The following CCDC18 variants were observed in gnomAD, a reference collection of about 807,000 sequenced individuals.
The protein encoded by CCDC18 is coiled-coil domain-containing protein 18.
CCDC18 carries 157 observed loss-of-function variants against 196.0 expected under a neutral mutation model. The ratio of observed to expected loss-of-function variants is 0.80; its 90% confidence interval spans 0.70 to 0.91. CCDC18 has a LOEUF of 0.91. CCDC18 is among the 40% of genes least tolerant of loss of function. CCDC18 has a pLI of 0.00. For synonymous variants in CCDC18, 482 were observed against 529.2 expected (o/e 0.91, Z 1.22); for missense variants, 1,465 against 1,611.6 (o/e 0.91, Z 1.56).
At chr1:93,269,502 A>G (rs1196233878) in intron 27 of CCDC18, among the ~76,000 whole-genome samples, 1 of 152,076 alleles carries the variant, frequency 6.6e-6, no homozygotes, top group Non-Finnish European at 1.5e-5. Flanking sequence ...ATGCGTGTTA[A>G]ACTTTTATTT....
At chr1:93,223,878 T>C (rs1336644945) in intron 16 of CCDC18, among the ~76,000 whole-genome samples, 3 of 148,490 alleles carry the variant, frequency 2.0e-5, no homozygotes, top group Non-Finnish European at 4.5e-5. Context: ...GTGTTTGTTT[T>C]TGTTTTGATT....
chr1:93,211,236 C>T (rs1655586457), intron 10 of CCDC18, among the ~76,000 whole-genome samples: 1 of 149,580 alleles, frequency 6.7e-6, no homozygotes, highest in Admixed American at 6.7e-5. Flanking sequence ...TGAGATAGTG[C>T]CACTGCACTC....
chr1:93,257,089 A>G (rs977721479), intron 25 of CCDC18, among the ~76,000 whole-genome samples: 3 of 151,976 alleles, frequency 2.0e-5, no homozygotes, highest in African/African-American at 7.2e-5. Flanking sequence ...AAAATTAGCC[A>G]GGCATGATGG....
chr1:93,248,009 C>CTTTTTTTTT (rs71586785), intron 23 of CCDC18, among the ~76,000 whole-genome samples: 8 of 69,774 alleles, frequency 1.1e-4, no homozygotes, highest in Admixed American at 1.9e-4. Context: ...TATTTTCCTT[C>CTTTTTTTTT]TTTTTTTTTT....
chr1:93,226,569 T>C (rs556027538), intron 17 of CCDC18, 120 bp downstream of exon 17: 2 of 322,570 alleles, frequency 6.2e-6, no homozygotes, highest in South Asian at 6.3e-5. Flanking sequence ...CGTCTCCCCA[T>C]GTTGCCCAGG....
At chr1:93,271,901 A>C (rs1413271247) in intron 28 of CCDC18, among the ~76,000 whole-genome samples, 3 of 151,984 alleles carry the variant, frequency 2.0e-5, no homozygotes, top group Non-Finnish European at 4.4e-5. Context: ...TTTATGATTT[A>C]ATATTTTTCT....
At chr1:93,264,658 C>CATTTTTTT (rs1299718952) in intron 26 of CCDC18, 43 bp from the exon 27 acceptor site, 16 of 1,213,278 alleles carry the variant, frequency 1.3e-5, no homozygotes, top group Admixed American at 6.4e-5. Context: ...AGTTTCCTTC[C>CATTTTTTT]ATTTTTTTAT....
chr1:93,233,148 C>T (rs973004767), intron 18 of CCDC18, among the ~76,000 whole-genome samples: 1 of 152,166 alleles, frequency 6.6e-6, no homozygotes. Flanking sequence ...AATCTCTCTT[C>T]TTGTACCTAA....
intron 8 of CCDC18, 115 bp from the exon 9 acceptor site, chr1:93,206,992 G>A (rs1654819283): frequency 5.2e-6 from 3 of 575,472 alleles, no homozygotes; most frequent in Non-Finnish European, 8.9e-6. Flanking sequence ...GTAAATGTGA[G>A]CAGGTATTAT....
At chr1:93,264,133 G>GTCA (rs1270239664) in intron 26 of CCDC18, among the ~76,000 whole-genome samples, 5 of 152,050 alleles carry the variant, frequency 3.3e-5, no homozygotes, top group Non-Finnish European at 7.4e-5. Flanking sequence ...GAGGGGAAGT[G>GTCA]TCACACTTTT....
In CCDC18 at chr1:93,270,802, T is replaced by A. The variant is rs777578041; in HGVS notation, c.4341T>A (p.Ala1447=). ...AAAAGTCTTCTATGCAAACAGGTGCTGGTTTAAATCAGGTATGTATTTTAT... is the reference window on the plus strand; with the variant it reads ...AAAAGTCTTCTATGCAAACAGGTGCAGGTTTAAATCAGGTATGTATTTTAT... The part of the protein sequence containing the change: ...LLKKSSMQTG[A]GLNQGENV Residue 1447 remains alanine (A), a synonymous_variant, in exon 28 of 29, where the codon GCT becomes GCA. Coordinates refer to ENST00000690025, the MANE Select transcript of CCDC18 (RefSeq NM_001378204.1). The A allele has an allele frequency of 6.5e-7, 1 of 1,533,500 alleles. No individual in the cohort carries two copies. Among genetic ancestry groups the A allele is most frequent in the South Asian group, 1.2e-5 (1 of 82,008 alleles). 95.0% of individuals were successfully genotyped at this position (1,533,500 alleles called of 1,614,324 possible).
intron 23 of CCDC18, among the ~76,000 whole-genome samples, chr1:93,247,274 T>C (rs1661611090): frequency 1.3e-5 from 2 of 152,208 alleles, no homozygotes; most frequent in African/African-American, 2.4e-5. Context: ...CTTTATTTTT[T>C]TGTAGCTGCT....
At position 93,261,832 on chromosome 1, in the gene CCDC18, T is replaced by C. The variant is rs377537965; in HGVS notation, c.3685-2869T>C. Reference sequence around the variant, plus strand: ...ATATTCAATAAGTATCTTGTATTAGTCCATTTTCCATTAGTCCATTAGTCC... The same window carrying C: ...ATATTCAATAAGTATCTTGTATTAGCCCATTTTCCATTAGTCCATTAGTCC... On this transcript the variant is annotated intron_variant, in intron 26 of 28. Transcript: ENST00000690025. Among the ~76,000 whole-genome samples, 4 of 152,204 alleles carry C rather than the reference T, an allele frequency of 2.6e-5. No homozygotes were observed. The East Asian group carries it at 5.8e-4, about 22-fold the overall frequency.
At chr1:93,233,035 T>C (rs1330730517) in intron 18 of CCDC18, among the ~76,000 whole-genome samples, 2 of 152,234 alleles carry the variant, frequency 1.3e-5, no homozygotes, top group African/African-American at 2.4e-5. Context: ...TATACTGATA[T>C]TGTAAAATAA....
At chr1:93,273,075 CT>C (rs546083180) in intron 28 of CCDC18, among the ~76,000 whole-genome samples, 28 of 146,866 alleles carry the variant, frequency 1.9e-4, no homozygotes, top group East Asian at 9.9e-4. Context: ...CTTTTCTTTT[CT>C]TTTTTTTTTT....
At chr1:93,239,609 A>G (rs1412289891) in intron 20 of CCDC18, 74 bp from the exon 21 acceptor site, 12 of 1,322,696 alleles carry the variant, frequency 9.1e-6, no homozygotes, top group Non-Finnish European at 1.3e-5. Flanking sequence ...ATATAATTGA[A>G]TATTCTTAAT....
intron 8 of CCDC18, 93 bp downstream of exon 8, chr1:93,205,724 G>C (rs1654608601): frequency 1.7e-6 from 2 of 1,174,902 alleles, no homozygotes; most frequent in Non-Finnish European, 2.4e-6. Context: ...TGTAATTATA[G>C]GCTTACATTA....
At chr1:93,239,218 C>T in intron 19 of CCDC18, 92 bp from the exon 20 acceptor site, 3 of 922,956 alleles carry the variant, frequency 3.3e-6, no homozygotes, top group Non-Finnish European at 1.6e-6. Context: ...TGATATTTGT[C>T]CTTATATAAC....
intron 23 of CCDC18, among the ~76,000 whole-genome samples, chr1:93,251,813 A>G (rs904995598): frequency 6.6e-6 from 1 of 151,966 alleles, no homozygotes. Flanking sequence ...GCATACTTAT[A>G]TCTTTCCTCA....
Sources: gnomAD v4.1 joint callset for allele counts (sites outside exome capture counted in the v4.1 genomes callset) on GRCh38, gnomAD v4.1.1 for gene constraint, MANE v1.5 for transcripts, NCBI Gene and HGNC (gene_info 2026-07-23, HGNC 2026-07-21) for gene names.